PLCG2: variants seen among roughly 807,000 people sequenced by gnomAD.
PLCG2 encodes phospholipase C gamma 2.
A neutral mutation model predicts 175.6 loss-of-function variants in PLCG2; 69 were observed. The observed-to-expected ratio is 0.39, with a 90% CI of 0.32 to 0.48. The LOEUF is 0.48. Among genes scored for constraint, PLCG2 ranks in the 20% least tolerant of loss-of-function variants. The pLI, the probability that PLCG2 is intolerant of heterozygous loss-of-function variation, is 0.91. For missense variants in PLCG2, 1,798 were observed against 1,650.9 expected, an observed-to-expected ratio of 1.09 and a Z score of -1.54; for synonymous variants, 827 against 624.0, an observed-to-expected ratio of 1.33 and a Z score of -4.85.
intron 2 of PLCG2, among the ~76,000 whole-genome samples, chr16:81,801,584 G>A (rs796812960): frequency 1.2e-4 from 19 of 152,194 alleles, no homozygotes; most frequent in Admixed American, 5.9e-4. Flanking sequence ...CAGCAAACAC[G>A]TCTTCGCTAT....
rs1026829755 is a variant in PLCG2, at chr16:81,910,863, G to A, written c.1934+143G>A. The A allele has an allele frequency of 3.4e-5, 25 of 733,434 alleles. No homozygotes were observed. The Middle Eastern group carries it at 1.1e-3, about 33-fold the overall frequency. The allele number at this position is 733,434 out of a possible 1,614,324, so 45.4% of individuals were successfully genotyped here. ...ACCGGCATCTCAAAATTGCCGAGGT[G>A]GCCAGTTTCCAAATTCCTGGCACCA... On this transcript the variant is annotated intron_variant, in intron 18 of 32. Coordinates refer to ENST00000564138, the MANE Select transcript of PLCG2 (RefSeq NM_002661.5).
At chr16:81,956,420 T>C (rs946538203) in intron 31 of PLCG2, among the ~76,000 whole-genome samples, 1 of 152,136 alleles carries the variant, frequency 6.6e-6, no homozygotes, top group African/African-American at 2.4e-5. Flanking sequence ...GATTAAGAAA[T>C]AGGATCTACA....
In PLCG2 at chr16:81,769,906, G is replaced by T. The variant is rs1379180861; in HGVS notation, c.-48+13940G>T. ...CACCACTGGTGTTTCACACCTGCCG[G>T]TCGCTTAATGCCTCTGAGCCTCGGT... On this transcript the variant is annotated intron_variant, in intron 2 of 5. Transcript: ENST00000565054. 2.0e-5 allele frequency among the ~76,000 whole-genome samples: 3 copies of T among 151,752 alleles called. No individual in the cohort carries two copies. The East Asian group carries it at 5.8e-4, about 29-fold the overall frequency.
At chr16:81,860,215 T>A (rs1416723805) in intron 5 of PLCG2, among the ~76,000 whole-genome samples, 2 of 149,624 alleles carry the variant, frequency 1.3e-5, no homozygotes, top group African/African-American at 2.4e-5. Context: ...CCCAGACATT[T>A]TTTTTTAAAA....
chr16:81,917,245 T>C (rs866158444), intron 19 of PLCG2, among the ~76,000 whole-genome samples: 1 of 98,800 alleles, frequency 1.0e-5, no homozygotes, highest in Non-Finnish European at 2.2e-5. Context: ...TTTTTTTTTT[T>C]AAAGCAAATG....
At chr16:81,838,006 A>G (rs2143412622) in intron 2 of PLCG2, among the ~76,000 whole-genome samples, 1 of 152,292 alleles carries the variant, frequency 6.6e-6, no homozygotes, top group South Asian at 2.1e-4. Context: ...TAGTCAAGAG[A>G]CTAAAGCAAT....
intron 13 of PLCG2, among the ~76,000 whole-genome samples, chr16:81,900,411 C>G (rs913549735): frequency 5.3e-5 from 8 of 152,232 alleles, no homozygotes; most frequent in African/African-American, 1.9e-4. Context: ...TGAATCAGAT[C>G]GCAGCTGTTC....
intron 2 of PLCG2, among the ~76,000 whole-genome samples, chr16:81,763,239 T>A (rs1225676240): frequency 6.6e-6 from 1 of 152,216 alleles, no homozygotes; most frequent in Non-Finnish European, 1.5e-5. Context: ...TAGCCCAGAT[T>A]TGCAAGCTCC....
upstream of PLCG2, among the ~76,000 whole-genome samples, chr16:81,777,178 GA>G (rs956514439): frequency 3.3e-5 from 5 of 152,000 alleles, no homozygotes; most frequent in African/African-American, 1.2e-4. Context: ...ACAGATGAGA[GA>G]AAAATCCAGC....
intron 2 of PLCG2, among the ~76,000 whole-genome samples, chr16:81,812,049 T>C: frequency 7.0e-6 from 1 of 142,608 alleles, no homozygotes; most frequent in East Asian, 2.0e-4. Context: ...CTGACTTTTT[T>C]TTTTTTTTTT....
chr16:81,853,763 C>T (rs1025863357), intron 2 of PLCG2, among the ~76,000 whole-genome samples: 29 of 152,026 alleles, frequency 1.9e-4, no homozygotes, highest in Non-Finnish European at 1.5e-5. Flanking sequence ...GGGCAGCTGG[C>T]TATATAAGGC....
chr16:81,756,412 G>A (rs1050192427), intron 2 of PLCG2, among the ~76,000 whole-genome samples: 1 of 152,192 alleles, frequency 6.6e-6, no homozygotes, highest in East Asian at 1.9e-4. Flanking sequence ...TATCTTATAC[G>A]GCAGCTATTA....
chr16:81,790,614 C>G (rs1332861589), intron 2 of PLCG2, among the ~76,000 whole-genome samples: 1 of 152,160 alleles, frequency 6.6e-6, no homozygotes, highest in Non-Finnish European at 1.5e-5. Context: ...GGGGCAGGTG[C>G]ACATGAGAGG....
At chr16:81,769,703 C>G (rs557138893) in intron 2 of PLCG2, among the ~76,000 whole-genome samples, 2 of 150,552 alleles carry the variant, frequency 1.3e-5, no homozygotes, top group Non-Finnish European at 3.0e-5. Context: ...GCCTGTAGTC[C>G]CAGCTACTTG....
intron 2 of PLCG2, among the ~76,000 whole-genome samples, chr16:81,757,824 C>G (rs1208569130): frequency 6.6e-6 from 1 of 152,120 alleles, no homozygotes; most frequent in Non-Finnish European, 1.5e-5. Flanking sequence ...CCTATACCCC[C>G]TTCCCCCACC....
chr16:81,924,658 C>T (rs1694899439), intron 22 of PLCG2, among the ~76,000 whole-genome samples: 1 of 152,234 alleles, frequency 6.6e-6, no homozygotes, highest in Non-Finnish European at 1.5e-5. Flanking sequence ...GATTATCAAA[C>T]TTTTTCTTAA....
At chr16:81,955,706 T>C (rs1055105937) in intron 31 of PLCG2, among the ~76,000 whole-genome samples, 1 of 152,126 alleles carries the variant, frequency 6.6e-6, no homozygotes, top group African/African-American at 2.4e-5. Flanking sequence ...TTTCAGCTGA[T>C]CCCAAGAAAA....
At chr16:81,850,751 T>C (rs150083443) in intron 2 of PLCG2, among the ~76,000 whole-genome samples, 19 of 152,308 alleles carry the variant, frequency 1.2e-4, no homozygotes, top group Admixed American at 3.3e-4. Context: ...AGAGAGCTTC[T>C]TCCTGTGTTG....
At chr16:81,954,164 A>G (rs1449869865) in intron 31 of PLCG2, among the ~76,000 whole-genome samples, 2 of 151,938 alleles carry the variant, frequency 1.3e-5, no homozygotes, top group African/African-American at 4.8e-5. Context: ...CTGGGAGTAC[A>G]GGGTATGCCA....
Sources: gnomAD v4.1 joint callset for allele counts (sites outside exome capture counted in the v4.1 genomes callset) on GRCh38, gnomAD v4.1.1 for gene constraint, MANE v1.5 for transcripts, NCBI Gene and HGNC (gene_info 2026-07-23, HGNC 2026-07-21) for gene names.